DPY19L1: variants seen among roughly 807,000 people sequenced by gnomAD.
The protein encoded by DPY19L1 is protein C-mannosyl-transferase DPY19L1.
Under a neutral mutation model 96.9 loss-of-function variants are expected in DPY19L1, and 35 were observed. The ratio of observed to expected loss-of-function variants is 0.36; its 90% CI spans 0.28 to 0.48. DPY19L1 has a LOEUF of 0.48. Among genes scored for constraint, DPY19L1 ranks in the 20% least tolerant of loss-of-function variants. The probability of loss-of-function intolerance (pLI) is 0.99; values close to 1 mark genes in which losing one functional copy is unlikely to be tolerated. For missense variants in DPY19L1, 521 were observed against 777.9 expected (o/e 0.67, Z 3.93); for synonymous variants, 205 against 252.6 (o/e 0.81, Z 1.79).
intron 21 of DPY19L1, among the ~76,000 whole-genome samples, chr7:34,934,538 C>G (rs1783825191): frequency 6.6e-6 from 1 of 152,154 alleles, no homozygotes; most frequent in Admixed American, 6.5e-5. Flanking sequence ...GCAGAGCTCC[C>G]TTCTGCAAAC....
intron 6 of DPY19L1, among the ~76,000 whole-genome samples, chr7:34,999,163 C>T (rs954160353): frequency 2.6e-5 from 4 of 152,178 alleles, no homozygotes; most frequent in South Asian, 4.1e-4. Context: ...ATATCTACCA[C>T]ATCATGACCT....
At chr7:34,977,225 C>A (rs1017364946) in intron 7 of DPY19L1, among the ~76,000 whole-genome samples, 2 of 152,140 alleles carry the variant, frequency 1.3e-5, no homozygotes, top group Non-Finnish European at 2.9e-5. Context: ...TACGGTATCT[C>A]TGAAGTATGC....
intron 21 of DPY19L1, among the ~76,000 whole-genome samples, chr7:34,931,949 G>C (rs576535377): frequency 2.0e-5 from 3 of 152,280 alleles, no homozygotes; most frequent in Admixed American, 2.0e-4. Flanking sequence ...GAAAGAAACA[G>C]ACCTGTAGAT....
At chr7:34,981,379 G>A (rs1045648853) in intron 7 of DPY19L1, among the ~76,000 whole-genome samples, 8 of 152,170 alleles carry the variant, frequency 5.3e-5, no homozygotes, top group Non-Finnish European at 8.8e-5. Context: ...AATGGCTAAT[G>A]TAATAACTAA....
chr7:35,005,926 G>T (rs1328932446), intron 6 of DPY19L1, among the ~76,000 whole-genome samples: 1 of 152,116 alleles, frequency 6.6e-6, no homozygotes, highest in Non-Finnish European at 1.5e-5. Context: ...ACAGCAACAG[G>T]CAAAGAACTG....
intron 18 of DPY19L1, among the ~76,000 whole-genome samples, chr7:34,941,189 T>C (rs1784005524): frequency 6.6e-6 from 1 of 151,986 alleles, no homozygotes; most frequent in South Asian, 2.1e-4. Context: ...CTAAGGGAGG[T>C]GCTGCTGTTG....
At chr7:34,936,602 G>A (rs1015894993) in intron 21 of DPY19L1, among the ~76,000 whole-genome samples, 1 of 152,154 alleles carries the variant, frequency 6.6e-6, no homozygotes, top group African/African-American at 2.4e-5. Context: ...GAGATGCTTA[G>A]AACTTTTCTG....
rs1783945890 is a variant in DPY19L1, at chr7:34,939,385, A to G, written c.1865-10T>C. The G allele has an allele frequency of 6.2e-7, 1 of 1,613,232 alleles. No individual in the cohort carries two copies. The highest frequency in any genetic ancestry group is 1.3e-5 in the African/African-American group (1 of 74,914). ...CCCGCAAACACTGCATCTGGAAGGC[A>G]AGAGGAATGTCTCAGGAAGACACTC... On this transcript the variant is annotated splice_polypyrimidine_tract_variant and intron_variant, in intron 19 of 21. Coordinates refer to ENST00000638088, the MANE Select transcript of DPY19L1 (RefSeq NM_001366673.1).
At chr7:35,002,979 T>C (rs540719618) in intron 6 of DPY19L1, among the ~76,000 whole-genome samples, 1 of 152,120 alleles carries the variant, frequency 6.6e-6, no homozygotes, top group Non-Finnish European at 1.5e-5. Flanking sequence ...ACTGTGTTAG[T>C]CAAGATGGTC....
intron 21 of DPY19L1, among the ~76,000 whole-genome samples, chr7:34,934,431 T>C (rs1455839365): frequency 6.6e-6 from 1 of 152,184 alleles, no homozygotes; most frequent in Non-Finnish European, 1.5e-5. Context: ...AAGCTGCTAG[T>C]TCTCATATGT....
chr7:34,959,920 TATATTTATATATATA>T (rs1562806955), intron 10 of DPY19L1, among the ~76,000 whole-genome samples: 34 of 33,866 alleles, frequency 1.0e-3, no homozygotes, highest in Admixed American at 2.9e-3. Flanking sequence ...TATATATATA[TATATTTATATATATA>T]TATATATATA....
chr7:35,021,514 G>C (rs1436017008), intron 1 of DPY19L1, among the ~76,000 whole-genome samples: 2 of 152,168 alleles, frequency 1.3e-5, no homozygotes, highest in Admixed American at 1.3e-4. Context: ...GAGCAATGGA[G>C]CTAACACTTG....
chr7:34,999,003 T>C (rs1327557491), intron 6 of DPY19L1, among the ~76,000 whole-genome samples: 4 of 152,080 alleles, frequency 2.6e-5, no homozygotes, highest in Non-Finnish European at 5.9e-5. Context: ...AAGTCCAATA[T>C]CCAATCACTA....
chr7:34,986,441 A>C (rs1196905195), intron 7 of DPY19L1, among the ~76,000 whole-genome samples: 2 of 152,034 alleles, frequency 1.3e-5, no homozygotes, highest in African/African-American at 4.8e-5. Flanking sequence ...AGTTAAAACA[A>C]ATAATTTTTT....
At chr7:34,993,320 T>A (rs940917900) in intron 6 of DPY19L1, among the ~76,000 whole-genome samples, 9 of 152,212 alleles carry the variant, frequency 5.9e-5, no homozygotes, top group African/African-American at 1.9e-4. Flanking sequence ...AATAGCCAAT[T>A]ATATTAAAAT....
intron 11 of DPY19L1, among the ~76,000 whole-genome samples, chr7:34,955,986 ATG>A (rs1450033849): frequency 6.6e-6 from 1 of 152,190 alleles, no homozygotes; most frequent in Admixed American, 6.5e-5. Flanking sequence ...ATATATGCAA[ATG>A]TGTGTTTATA....
At chr7:34,982,698 C>A (rs1784965221) in intron 7 of DPY19L1, among the ~76,000 whole-genome samples, 1 of 152,184 alleles carries the variant, frequency 6.6e-6, no homozygotes, top group African/African-American at 2.4e-5. Flanking sequence ...CAACTTCTAA[C>A]CATATAAATA....
Position 34,941,177 on chromosome 7 carries a change from G to A in DPY19L1, c.1689+588C>T, listed in dbSNP as rs545358417. Among the ~76,000 whole-genome samples the A allele has an allele frequency of 8.5e-5, 13 of 152,208 alleles. No homozygotes were observed. The South Asian group carries it at 1.7e-3, about 19-fold the overall frequency. On this transcript the variant is annotated intron_variant, in intron 18 of 21. Transcript: ENST00000638088. ...TAGGTGCTTAGTGACTATCTGCTACGTCTAAGGGAGGTGCTGCTGTTGTAC... is the reference window on the plus strand; with the variant it reads ...TAGGTGCTTAGTGACTATCTGCTACATCTAAGGGAGGTGCTGCTGTTGTAC...
intron 21 of DPY19L1, among the ~76,000 whole-genome samples, chr7:34,936,770 T>C (rs144476544): frequency 0.012 from 1,838 of 152,354 alleles, 10 homozygotes; most frequent in Middle Eastern, 0.02. Context: ...AGAATCATTC[T>C]ATAATCAACA....
Sources: gnomAD v4.1 joint callset for allele counts (sites outside exome capture counted in the v4.1 genomes callset) on GRCh38, gnomAD v4.1.1 for gene constraint, MANE v1.5 for transcripts, NCBI Gene and HGNC (gene_info 2026-07-23, HGNC 2026-07-21) for gene names.